NAV3: variants seen among roughly 807,000 people sequenced by gnomAD.
The protein encoded by NAV3 is neuron navigator 3, also known as pore membrane and/or filament interacting like protein 1.
A neutral mutation model predicts 244.7 loss-of-function variants in NAV3; 87 were observed. The observed-to-expected ratio is 0.36, with a 90% CI of 0.30 to 0.42. NAV3 has a LOEUF of 0.42. NAV3 is among the 20% of genes least tolerant of loss of function. The pLI is 1.00. For synonymous variants in NAV3, 1,126 were observed against 1,042.2 expected, an observed-to-expected ratio of 1.08 and a Z score of -1.55; for missense variants, 2,663 against 2,893.3, an observed-to-expected ratio of 0.92 and a Z score of 1.83.
intron 2 of NAV3, among the ~76,000 whole-genome samples, chr12:77,705,380 G>A (rs1875749702): frequency 6.6e-6 from 1 of 151,250 alleles, no homozygotes; most frequent in South Asian, 2.1e-4. Flanking sequence ...CTTCAGCCTG[G>A]GTGACAGCAC....
At chr12:77,755,650 C>CTTCCTTCCTTCCTTCCTTCT (rs1869130215) in intron 2 of NAV3, among the ~76,000 whole-genome samples, 1 of 135,356 alleles carries the variant, frequency 7.4e-6, no homozygotes, top group Non-Finnish European at 1.6e-5. Context: ...TCCTTCCTTC[C>CTTCCTTCCTTCCTTCCTTCT]TTCCTTCCAC....
At chr12:77,852,719 T>G (rs1050991488) in intron 1 of NAV3, among the ~76,000 whole-genome samples, 4 of 152,196 alleles carry the variant, frequency 2.6e-5, no homozygotes, top group Admixed American at 2.0e-4. Context: ...TTCATGAATT[T>G]GTAGAAAATG....
intron 2 of NAV3, among the ~76,000 whole-genome samples, chr12:77,670,221 T>C (rs899906157): frequency 1.3e-5 from 2 of 152,064 alleles, no homozygotes; most frequent in African/African-American, 2.4e-5. Flanking sequence ...CCTGGATGTA[T>C]ACCATCCTCC....
At chr12:78,102,705 G>A (rs919721740) in intron 12 of NAV3, among the ~76,000 whole-genome samples, 2 of 152,200 alleles carry the variant, frequency 1.3e-5, no homozygotes, top group Admixed American at 1.3e-4. Flanking sequence ...AAATCTAGGT[G>A]GAGGTTCCCA....
intron 2 of NAV3, among the ~76,000 whole-genome samples, chr12:77,702,733 T>C (rs1266985900): frequency 2.0e-5 from 3 of 152,006 alleles, no homozygotes; most frequent in Non-Finnish European, 4.4e-5. Context: ...TATATTTTAG[T>C]TTTATACACA....
intron 12 of NAV3, among the ~76,000 whole-genome samples, chr12:78,086,277 C>T (rs1953634054): frequency 6.6e-6 from 1 of 151,904 alleles, no homozygotes; most frequent in African/African-American, 2.4e-5. Flanking sequence ...TAATAGGAGT[C>T]TCTTCTTCAA....
At chr12:77,847,527 A>G (rs1340991067) in intron 1 of NAV3, among the ~76,000 whole-genome samples, 1 of 152,176 alleles carries the variant, frequency 6.6e-6, no homozygotes, top group Non-Finnish European at 1.5e-5. Flanking sequence ...AGGGCAGAGG[A>G]TCCAACAGGC....
intron 2 of NAV3, among the ~76,000 whole-genome samples, chr12:77,575,412 A>G (rs1460855653): frequency 6.6e-6 from 1 of 152,076 alleles, no homozygotes; most frequent in Non-Finnish European, 1.5e-5. Context: ...TAGAACTTTC[A>G]GCTGGTATTG....
intron 1 of NAV3, among the ~76,000 whole-genome samples, chr12:77,860,158 A>C (rs577359665): frequency 6.6e-6 from 1 of 151,902 alleles, no homozygotes; most frequent in South Asian, 2.1e-4. Flanking sequence ...GTATGTGTGC[A>C]CATATGCACT....
intron 2 of NAV3, among the ~76,000 whole-genome samples, chr12:77,587,309 T>A (rs1869661658): frequency 6.6e-6 from 1 of 152,106 alleles, no homozygotes. Flanking sequence ...AGGACAAAAG[T>A]ATTGAGGTAA....
At chr12:77,926,684 T>A (rs980816095) in intron 1 of NAV3, among the ~76,000 whole-genome samples, 12 of 152,206 alleles carry the variant, frequency 7.9e-5, no homozygotes, top group Non-Finnish European at 1.8e-4. Context: ...GCAGACTTTT[T>A]AAAATTCATT....
At chr12:77,865,935 A>G (rs1879947804) in intron 1 of NAV3, among the ~76,000 whole-genome samples, 1 of 152,078 alleles carries the variant, frequency 6.6e-6, no homozygotes, top group South Asian at 2.1e-4. Context: ...AAAATGCATG[A>G]CAAAAGAGCC....
chr12:78,209,576 G>GA (rs1960687315), intron 39 of NAV3, among the ~76,000 whole-genome samples: 7 of 149,028 alleles, frequency 4.7e-5, no homozygotes, highest in Non-Finnish European at 1.0e-4. Context: ...ATCTCTAACA[G>GA]TGGAGCTCCA....
chr12:78,205,179 T>G lies in NAV3; in HGVS notation c.7038+41T>G, dbSNP rs754770464. ...TCATTTCTTCCTATGTAATCTTGAC[T>G]ACAGTGTATAGTCATTAATATTTAG... On this transcript the variant is annotated intron_variant, in intron 39 of 39. Coordinates refer to ENST00000397909, the MANE Select transcript of NAV3 (RefSeq NM_001024383.2). The G allele has an allele frequency of 3.2e-6, 5 of 1,560,902 alleles. No homozygotes were observed. In the East Asian group the frequency reaches 1.1e-4, roughly 35 times the overall value.
intron 2 of NAV3, among the ~76,000 whole-genome samples, chr12:77,756,303 G>T (rs1178979550): frequency 6.6e-6 from 1 of 152,134 alleles, no homozygotes; most frequent in East Asian, 1.9e-4. Context: ...TTTAGCCTAT[G>T]GCTCAGATGG....
intron 2 of NAV3, among the ~76,000 whole-genome samples, chr12:77,741,148 C>CAAAAAAAAAAAAAAAAAAAAGAAAA: frequency 3.9e-4 from 27 of 68,640 alleles, no homozygotes; most frequent in Non-Finnish European, 6.2e-4. Flanking sequence ...AAAAAAAAGA[C>CAAAAAAAAAAAAAAAAAAAAGAAAA]AAAAAAAAAA....
intron 2 of NAV3, among the ~76,000 whole-genome samples, chr12:77,735,780 A>G (rs1383432981): frequency 6.6e-6 from 1 of 152,202 alleles, no homozygotes; most frequent in Admixed American, 6.5e-5. Flanking sequence ...ATATCTCCAA[A>G]CACTTCCCTT....
chr12:77,978,217 A>G (rs541809434), intron 5 of NAV3, among the ~76,000 whole-genome samples: 1 of 152,306 alleles, frequency 6.6e-6, no homozygotes, highest in African/African-American at 2.4e-5. Context: ...ACTTTTTGCC[A>G]TAAATATGTA....
At chr12:78,059,975 G>GTA (rs1232785154) in intron 12 of NAV3, among the ~76,000 whole-genome samples, 9 of 151,754 alleles carry the variant, frequency 5.9e-5, no homozygotes, top group Non-Finnish European at 1.3e-4. Context: ...GTGTGTGTGT[G>GTA]TGTGTGTCTG....
Sources: gnomAD v4.1 joint callset for allele counts (sites outside exome capture counted in the v4.1 genomes callset) on GRCh38, gnomAD v4.1.1 for gene constraint, MANE v1.5 for transcripts, NCBI Gene and HGNC (gene_info 2026-07-23, HGNC 2026-07-21) for gene names.